The following TRAT1 variants were observed in gnomAD, a reference collection of about 807,000 sequenced individuals.
TRAT1 encodes the protein T cell receptor associated transmembrane adaptor 1, also known as T-cell receptor-associated transmembrane adapter 1.
A neutral mutation model predicts 20.0 loss-of-function variants in TRAT1; 20 were observed. The ratio of observed to expected loss-of-function variants is 1.00; its 90% CI spans 0.70 to 1.45. The LOEUF is 1.45. Ranked by LOEUF, TRAT1 falls within the 40% of genes most tolerant of loss-of-function variation. TRAT1 has a pLI of 0.00. For synonymous variants in TRAT1, 77 were observed against 74.2 expected (o/e 1.04, Z -0.20); for missense variants, 237 against 224.1 (o/e 1.06, Z -0.37).
chr3:108,847,365 T>G lies in TRAT1; in HGVS notation c.214+236T>G, dbSNP rs563966975. ...TTTTTCTATATTCTCTTCATTTCAC[T>G]CTAGTAGTAATGAGAATACAGGAAG... On this transcript the variant is annotated intron_variant, in intron 4 of 5. Transcript: ENST00000295756. 5.4e-4 allele frequency: 208 copies of G among 386,418 alleles called. 1 individual carries two copies. The highest frequency in any genetic ancestry group is 3.8e-3 in the African/African-American group (183 of 47,562). 23.9% of individuals were successfully genotyped at this position (386,418 alleles called of 1,614,324 possible).
intron 3 of TRAT1, among the ~76,000 whole-genome samples, chr3:108,841,232 CCTATTGT>C (rs1945894440): frequency 6.6e-6 from 1 of 152,152 alleles, no homozygotes; most frequent in Admixed American, 6.5e-5. Flanking sequence ...TATAAAATAA[CCTATTGT>C]CTATTGTAAC....
intron 2 of TRAT1, among the ~76,000 whole-genome samples, chr3:108,836,381 A>AC (rs1945842608): frequency 6.6e-6 from 1 of 152,194 alleles, no homozygotes; most frequent in Non-Finnish European, 1.5e-5. Flanking sequence ...TTAAGCAATG[A>AC]CACTCTTCAC....
At position 108,830,845 on chromosome 3, in the gene TRAT1, A is replaced by T. The variant is rs1358144705; in HGVS notation, c.118+65A>T. The T allele has an allele frequency of 4.0e-6, 4 of 1,008,570 alleles. No homozygotes were observed. In the African/African-American group the frequency reaches 6.4e-5, roughly 16 times the overall value. 62.5% of individuals were successfully genotyped at this position (1,008,570 alleles called of 1,614,324 possible). A position where few individuals can be genotyped will look rare whatever the true frequency, so the allele number is the denominator to read the frequency against. ...ATGGAGACTATGGAGTCACTGGAAA[A>T]CCTATGGAAGCAGACAATTTTATGA... is the stretch of plus-strand genomic sequence containing the variant. On this transcript the variant is annotated intron_variant, in intron 2 of 5. Transcript: ENST00000295756.
At chr3:108,823,496 C>T (rs1232659387) in intron 1 of TRAT1, among the ~76,000 whole-genome samples, 4 of 152,066 alleles carry the variant, frequency 2.6e-5, no homozygotes, top group Admixed American at 6.5e-5. Flanking sequence ...TGGTTCATTC[C>T]TCCTGTATTA....
At chr3:108,849,052 G>A (rs1422370040) in intron 4 of TRAT1, 114 bp from the exon 5 acceptor site, 3 of 861,304 alleles carry the variant, frequency 3.5e-6, no homozygotes, top group South Asian at 1.8e-5. Context: ...GACTAGTTAA[G>A]TAATTCTTGG....
intron 2 of TRAT1, among the ~76,000 whole-genome samples, chr3:108,835,682 T>C (rs1945832540): frequency 6.6e-6 from 1 of 152,196 alleles, no homozygotes; most frequent in Non-Finnish European, 1.5e-5. Context: ...CCATTTCAGG[T>C]GCTCCCTTTA....
At chr3:108,852,403 AC>A (rs1400828588) in intron 5 of TRAT1, among the ~76,000 whole-genome samples, 18 of 151,836 alleles carry the variant, frequency 1.2e-4, no homozygotes, top group Non-Finnish European at 2.4e-4. Context: ...GCATGCACAC[AC>A]ACACACACAC....
intron 2 of TRAT1, among the ~76,000 whole-genome samples, chr3:108,833,471 A>AT (rs930298663): frequency 2.0e-5 from 3 of 152,042 alleles, no homozygotes; most frequent in Admixed American, 2.0e-4. Flanking sequence ...TTCAGGACAG[A>AT]TTTTTTCCTT....
chr3:108,839,894 CT>C (rs1945877656), intron 3 of TRAT1, among the ~76,000 whole-genome samples: 1 of 151,538 alleles, frequency 6.6e-6, no homozygotes. Flanking sequence ...GGAAATTTTA[CT>C]TTTTTTGTAT....
intron 2 of TRAT1, among the ~76,000 whole-genome samples, chr3:108,833,008 G>C (rs1054020657): frequency 6.6e-6 from 1 of 152,152 alleles, no homozygotes; most frequent in African/African-American, 2.4e-5. Context: ...TTGGTAGTTT[G>C]TGCATTGGGA....
intron 2 of TRAT1, among the ~76,000 whole-genome samples, chr3:108,837,985 G>A (rs1374819): frequency 0.98 from 149,695 of 152,284 alleles, 73,614 homozygotes; most frequent in Non-Finnish European, 1. Context: ...AAATACTTTT[G>A]TTTGGCTTTG....
At chr3:108,847,161 A>T in intron 4 of TRAT1, 32 bp downstream of exon 4, 1 of 1,304,408 alleles carries the variant, frequency 7.7e-7, no homozygotes, top group South Asian at 1.3e-5. Flanking sequence ...TTTATAAATA[A>T]GTAAATCCCA....
At position 108,854,693 on chromosome 3, in the gene TRAT1, A is replaced by C. The variant is rs1278525819; in HGVS notation, c.*816A>C. ...TGGATTTATTTTCACTGTTATATTT[A>C]ACTATATATAAATACGCATATATTG... On this transcript the variant is annotated 3_prime_UTR_variant, in exon 6 of 6. Coordinates refer to ENST00000295756, the MANE Select transcript of TRAT1 (RefSeq NM_016388.4). 1.3e-5 allele frequency: 2 copies of C among 152,152 alleles called. No individual in the cohort carries two copies. Among genetic ancestry groups the C allele is most frequent in the African/African-American group, 2.4e-5 (1 of 41,436 alleles). 9.4% of individuals were successfully genotyped at this position (152,152 alleles called of 1,614,324 possible). A position where few individuals can be genotyped will look rare whatever the true frequency, so the allele number is the denominator to read the frequency against.
At chr3:108,823,219 A>C (rs2107503938) in intron 1 of TRAT1, among the ~76,000 whole-genome samples, 1 of 152,340 alleles carries the variant, frequency 6.6e-6, no homozygotes, top group Middle Eastern at 3.4e-3. Context: ...GTTATTTTTA[A>C]AGAAGCTTTT....
At chr3:108,830,140 C>T (rs769925702) in intron 1 of TRAT1, among the ~76,000 whole-genome samples, 1 of 152,110 alleles carries the variant, frequency 6.6e-6, no homozygotes, top group African/African-American at 2.4e-5. Flanking sequence ...ATTCATGGGG[C>T]TCTACATAGT....
chr3:108,842,876 C>A (rs1339328483), intron 3 of TRAT1, among the ~76,000 whole-genome samples: 2 of 152,172 alleles, frequency 1.3e-5, no homozygotes, highest in Non-Finnish European at 1.5e-5. Context: ...CACTAATCAA[C>A]AGAATGAGAA....
Position 108,853,869 on chromosome 3 carries a change from A to G in TRAT1, c.553A>G (p.Ile185Val), listed in dbSNP as rs772659140. 1.2e-6 allele frequency: 2 copies of G among 1,613,750 alleles called. No homozygotes were observed. Among genetic ancestry groups the G allele is most frequent in the Admixed American group, 1.7e-5 (1 of 60,004 alleles). ...FGLIRAKREP[I>V]N ...ATTGATCCGTGCTAAGAGAGAACCT[A>G]TAAACTAGCTGGACCATGATCTAGT... Residue 185 changes from isoleucine (I) to valine (V), a missense_variant, in exon 6 of 6, where the codon ATA becomes GTA. Physicochemically the swap from Ile to Val is conservative, Grantham distance 29. Coordinates refer to ENST00000295756, the MANE Select transcript of TRAT1 (RefSeq NM_016388.4).
At chr3:108,837,201 TG>T (rs1443860039) in intron 2 of TRAT1, among the ~76,000 whole-genome samples, 1 of 152,244 alleles carries the variant, frequency 6.6e-6, no homozygotes, top group Non-Finnish European at 1.5e-5. Context: ...TGAAAGTAGT[TG>T]AAAATAACTG....
intron 1 of TRAT1, among the ~76,000 whole-genome samples, chr3:108,826,423 G>T (rs987677660): frequency 6.6e-6 from 1 of 152,054 alleles, no homozygotes; most frequent in African/African-American, 2.4e-5. Flanking sequence ...AAACAGCATG[G>T]TATTTTACTT....
Sources: allele counts gnomAD v4.1 joint callset (sites outside exome capture counted in the v4.1 genomes callset), GRCh38; gene constraint gnomAD v4.1.1; transcripts MANE v1.5; gene names NCBI Gene and HGNC (gene_info 2026-07-23, HGNC 2026-07-21).